SLCO1A2: variants seen among roughly 807,000 people sequenced by gnomAD.
SLCO1A2 encodes the protein solute carrier organic anion transporter family member 1A2.
Under a neutral mutation model 69.0 loss-of-function variants are expected in SLCO1A2, and 67 were observed. The ratio of observed to expected loss-of-function variants is 0.97; its 90% CI spans 0.80 to 1.19. SLCO1A2 has a LOEUF of 1.19. SLCO1A2 is among the 50% of genes most tolerant of loss of function. SLCO1A2 has a pLI of 0.00. For missense variants in SLCO1A2, 787 were observed against 793.7 expected, an observed-to-expected ratio of 0.99 and a Z score of 0.10; for synonymous variants, 260 against 265.9, an observed-to-expected ratio of 0.98 and a Z score of 0.22.
At chr12:21,281,230 T>C (rs181972369) in intron 12 of SLCO1A2, among the ~76,000 whole-genome samples, 5 of 152,174 alleles carry the variant, frequency 3.3e-5, no homozygotes, top group African/African-American at 1.2e-4. Context: ...GGTGGGTGGA[T>C]CACAAGGTCA....
At chr12:21,316,210 C>T (rs981753104) in intron 3 of SLCO1A2, among the ~76,000 whole-genome samples, 1 of 152,302 alleles carries the variant, frequency 6.6e-6, no homozygotes, top group South Asian at 2.1e-4. Context: ...CCACCCAACA[C>T]TAAACACATC....
intron 12 of SLCO1A2, among the ~76,000 whole-genome samples, chr12:21,290,515 T>C (rs922170562): frequency 1.6e-4 from 24 of 152,022 alleles, no homozygotes; most frequent in African/African-American, 5.6e-4. Flanking sequence ...TCACTAATTA[T>C]AAAAACTTGA....
chr12:21,274,995 G>A (rs1943535788), intron 13 of SLCO1A2: 1 of 1,023,626 alleles, frequency 9.8e-7, no homozygotes. Context: ...ATCTCTTTGT[G>A]TGCTGCATTC....
At position 21,292,270 on chromosome 12, in the gene SLCO1A2, T is replaced by A; in HGVS notation, c.1504A>T (p.Lys502Ter). The A allele has an allele frequency of 6.2e-7, 1 of 1,613,010 alleles. No individual in the cohort carries two copies. Among genetic ancestry groups the A allele is most frequent in the Non-Finnish European group, 8.5e-7 (1 of 1,179,198 alleles). Residue 502 changes from lysine to a stop codon, truncating the protein, a stop_gained, in exon 12 of 15, where the codon AAA becomes TAA. Transcript: ENST00000683939. LOFTEE classifies it high-confidence loss of function. ...NSSAVLGLCD[K>*]GPDCSLMLQY... ...AGCATCAAGGAACAGTCAGGTCCTTTGTCGCACAGCCCAAGAACTGCAGAT... is the reference window on the plus strand; with the variant it reads ...AGCATCAAGGAACAGTCAGGTCCTTAGTCGCACAGCCCAAGAACTGCAGAT...
In SLCO1A2 at chr12:21,373,562, T is replaced by C. The variant is rs1032048961; in HGVS notation, c.-63+837A>G. On this transcript the variant is annotated intron_variant, in intron 2 of 15. Transcript: ENST00000307378. ...TACTTAAGAACAGTACCTTCAGCTA[T>C]TCCATTGTTCCTTGAATTCTGTGTT... is the stretch of plus-strand genomic sequence containing the variant. 51 of 720,216 alleles carry C rather than the reference T, an allele frequency of 7.1e-5. 1 individual carries two copies. The South Asian group carries it at 7.3e-4, about 10-fold the overall frequency. The allele number at this position is 720,216 out of a possible 1,614,324, so 44.6% of individuals were successfully genotyped here. A position where few individuals can be genotyped will look rare whatever the true frequency, so the allele number is the denominator to read the frequency against.
chr12:21,350,315 G>A (rs74064718), intron 2 of SLCO1A2, among the ~76,000 whole-genome samples: 10,732 of 151,128 alleles, frequency 0.071, 695 homozygotes, highest in East Asian at 0.37. Context: ...CCACAGCTTT[G>A]TTTTAGTAAA....
intron 12 of SLCO1A2, among the ~76,000 whole-genome samples, chr12:21,276,336 T>C (rs2136115090): frequency 6.6e-6 from 1 of 151,808 alleles, no homozygotes; most frequent in East Asian, 1.9e-4. Context: ...ACCACACATA[T>C]ACATATATAC....
intron 12 of SLCO1A2, among the ~76,000 whole-genome samples, chr12:21,286,290 T>C (rs1200494246): frequency 6.8e-6 from 1 of 146,028 alleles, no homozygotes; most frequent in Non-Finnish European, 1.5e-5. Flanking sequence ...TACCTAGGAA[T>C]CCAACTTACA....
intron 11 of SLCO1A2, 121 bp from the exon 12 acceptor site, chr12:21,292,457 T>G (rs1947024168): frequency 1.6e-6 from 1 of 640,016 alleles, no homozygotes; most frequent in Admixed American, 2.9e-5. Context: ...CCATCTCCAT[T>G]ATGATGTCTC....
In SLCO1A2 at chr12:21,266,070, T is replaced by C. The variant is rs919101759; in HGVS notation, c.*3478A>G. The C allele has an allele frequency of 4.6e-5, 7 of 152,092 alleles. No homozygotes were observed. Among genetic ancestry groups the C allele is most frequent in the African/African-American group, 1.7e-4 (7 of 41,410 alleles). The allele number at this position is 152,092 out of a possible 1,614,324, so 9.4% of individuals were successfully genotyped here. A position where few individuals can be genotyped will look rare whatever the true frequency, so the allele number is the denominator to read the frequency against. ...TTGGAAGGGCTACAAAGCCAAATTA[T>C]TTACATTCTGAAAATGGGGATGCAT... On this transcript the variant is annotated 3_prime_UTR_variant, in exon 15 of 15. Transcript: ENST00000683939.
intron 2 of SLCO1A2, among the ~76,000 whole-genome samples, chr12:21,361,979 T>C (rs975015571): frequency 6.6e-6 from 1 of 152,130 alleles, no homozygotes; most frequent in African/African-American, 2.4e-5. Flanking sequence ...CTTCAGGATA[T>C]CATGCCGGAG....
chr12:21,317,588 TGAGTC>T (rs1486706523), intron 3 of SLCO1A2, among the ~76,000 whole-genome samples: 1 of 152,228 alleles, frequency 6.6e-6, no homozygotes, highest in African/African-American at 2.4e-5. Flanking sequence ...GATTATGAGC[TGAGTC>T]AATTCGTGGG....
At chr12:21,277,924 C>A (rs1034584994) in intron 12 of SLCO1A2, among the ~76,000 whole-genome samples, 7 of 152,174 alleles carry the variant, frequency 4.6e-5, no homozygotes, top group African/African-American at 1.7e-4. Flanking sequence ...AGGGGTAGAG[C>A]ACCAAGCATG....
At chr12:21,317,948 G>A (rs1951087590) in intron 3 of SLCO1A2, among the ~76,000 whole-genome samples, 1 of 151,726 alleles carries the variant, frequency 6.6e-6, no homozygotes, top group East Asian at 1.9e-4. Flanking sequence ...TTCTCTAGAG[G>A]CTGCCTCTGA....
intron 1 of SLCO1A2, among the ~76,000 whole-genome samples, chr12:21,391,971 T>C (rs1565528536): frequency 6.6e-6 from 1 of 152,210 alleles, no homozygotes. Flanking sequence ...TGAACAAAGC[T>C]GCTCTATCTC....
chr12:21,362,408 A>T (rs1466389959), intron 2 of SLCO1A2, among the ~76,000 whole-genome samples: 1 of 152,200 alleles, frequency 6.6e-6, no homozygotes, highest in Admixed American at 6.5e-5. Context: ...AGCACTAAAC[A>T]TGGAAAGGAA....
At chr12:21,321,967 AC>A (rs1293652899) in intron 2 of SLCO1A2, among the ~76,000 whole-genome samples, 1 of 152,124 alleles carries the variant, frequency 6.6e-6, no homozygotes, top group Non-Finnish European at 1.5e-5. Context: ...TATGTTATTT[AC>A]CCCTGTGGCC....
chr12:21,279,409 A>G (rs117352871), intron 12 of SLCO1A2, among the ~76,000 whole-genome samples: 2,146 of 152,318 alleles, frequency 0.014, 28 homozygotes, highest in Non-Finnish European at 0.023. Context: ...AAGGAATTCA[A>G]TAAACCCCGC....
Position 21,284,425 on chromosome 12 carries a change from C to T in SLCO1A2, c.1610+7739G>A, listed in dbSNP as rs561042041. Among the ~76,000 whole-genome samples, 60 of 150,944 alleles carry T rather than the reference C, an allele frequency of 4.0e-4. No individual in the cohort carries two copies. The South Asian group carries it at 0.012, about 30-fold the overall frequency. On this transcript the variant is annotated intron_variant, in intron 12 of 14. Transcript: ENST00000683939. ...ACTGATGGGAGACTTTAACACCCCA[C>T]TGTCAACATTAGACAGATCAATGAG...
Sources: gnomAD v4.1 joint callset for allele counts (sites outside exome capture counted in the v4.1 genomes callset) on GRCh38, gnomAD v4.1.1 for gene constraint, MANE v1.5 for transcripts, NCBI Gene and HGNC (gene_info 2026-07-23, HGNC 2026-07-21) for gene names.